Variants in RBFOX1 observed in about 807,000 individuals in gnomAD.
The protein encoded by RBFOX1 is RNA binding protein fox-1 homolog 1.
A neutral mutation model predicts 57.7 loss-of-function variants in RBFOX1; 8 were observed. The ratio of observed to expected loss-of-function variants is 0.14; its 90% CI spans 0.08 to 0.25. The LOEUF is 0.25. Among genes scored for constraint, RBFOX1 ranks in the 10% least tolerant of loss-of-function variants. The pLI is 1.00. For missense variants in RBFOX1, 611 were observed against 548.5 expected, an observed-to-expected ratio of 1.11 and a Z score of -1.14; for synonymous variants, 326 against 222.4, an observed-to-expected ratio of 1.47 and a Z score of -4.15.
At chr16:6,879,397 T>C (rs1035243788) in intron 3 of RBFOX1, among the ~76,000 whole-genome samples, 3 of 152,332 alleles carry the variant, frequency 2.0e-5, no homozygotes, top group African/African-American at 7.2e-5. Flanking sequence ...ATTTATTGGA[T>C]GCTCTGGTAT....
chr16:7,334,578 A>G (rs759364517), intron 4 of RBFOX1, among the ~76,000 whole-genome samples: 7 of 152,142 alleles, frequency 4.6e-5, no homozygotes, highest in Non-Finnish European at 8.8e-5. Context: ...CCTGTTATAG[A>G]TTAAGTGCCG....
At chr16:5,765,016 G>C (rs2053727508) in intron 3 of RBFOX1, among the ~76,000 whole-genome samples, 1 of 152,128 alleles carries the variant, frequency 6.6e-6, no homozygotes, top group Admixed American at 6.6e-5. Flanking sequence ...CAGGGTACCT[G>C]ATACTGTGTT....
At chr16:7,179,031 G>A (rs1485158292) in intron 4 of RBFOX1, among the ~76,000 whole-genome samples, 2 of 152,188 alleles carry the variant, frequency 1.3e-5, no homozygotes, top group Non-Finnish European at 1.5e-5. Flanking sequence ...AGGAAGAATA[G>A]TTCTGCTTTT....
At chr16:6,574,122 A>C (rs980822586) in intron 2 of RBFOX1, among the ~76,000 whole-genome samples, 1 of 152,008 alleles carries the variant, frequency 6.6e-6, no homozygotes, top group Non-Finnish European at 1.5e-5. Flanking sequence ...TGAGCTGCAC[A>C]CTCAAGGAGA....
intron 3 of RBFOX1, among the ~76,000 whole-genome samples, chr16:6,970,526 C>T (rs911617777): frequency 1.3e-5 from 2 of 152,108 alleles, no homozygotes; most frequent in African/African-American, 4.8e-5. Flanking sequence ...TCAGTAGATT[C>T]AGTGTCCGGT....
intron 1 of RBFOX1, among the ~76,000 whole-genome samples, chr16:5,353,861 A>C (rs962251198): frequency 2.0e-5 from 3 of 152,062 alleles, no homozygotes; most frequent in Admixed American, 6.5e-5. Flanking sequence ...AGAGATCAAC[A>C]AGACATGGCC....
chr16:5,360,172 G>A (rs372646891), intron 1 of RBFOX1, among the ~76,000 whole-genome samples: 10 of 152,184 alleles, frequency 6.6e-5, no homozygotes, highest in South Asian at 2.1e-4. Context: ...ATCTGCAGCC[G>A]CCTACTCCAT....
At chr16:6,625,706 A>G (rs2098296011) in intron 2 of RBFOX1, among the ~76,000 whole-genome samples, 1 of 149,436 alleles carries the variant, frequency 6.7e-6, no homozygotes, top group Non-Finnish European at 1.5e-5. Context: ...CAATTAATGT[A>G]ATCTTGTTTC....
At chr16:6,548,850 T>C (rs995454242) in intron 2 of RBFOX1, among the ~76,000 whole-genome samples, 5 of 151,806 alleles carry the variant, frequency 3.3e-5, no homozygotes, top group African/African-American at 1.2e-4. Flanking sequence ...CCAAGGTGTG[T>C]GGATCACTTG....
At chr16:7,027,200 G>T (rs1240355700) in intron 3 of RBFOX1, among the ~76,000 whole-genome samples, 1 of 152,074 alleles carries the variant, frequency 6.6e-6, no homozygotes, top group African/African-American at 2.4e-5. Context: ...GTATCTTATT[G>T]AACTCTCCAG....
intron 4 of RBFOX1, among the ~76,000 whole-genome samples, chr16:7,269,312 G>C (rs2095259430): frequency 6.6e-6 from 1 of 152,050 alleles, no homozygotes. Context: ...GTTTAGAAAA[G>C]CAACATATGA....
intron 4 of RBFOX1, among the ~76,000 whole-genome samples, chr16:7,499,127 G>A (rs911326053): frequency 6.6e-6 from 1 of 152,214 alleles, no homozygotes; most frequent in Non-Finnish European, 1.5e-5. Flanking sequence ...CTGGCTCACA[G>A]TTCTGGAGGC....
intron 3 of RBFOX1, among the ~76,000 whole-genome samples, chr16:7,017,434 C>A (rs565305381): frequency 6.6e-6 from 1 of 152,138 alleles, no homozygotes; most frequent in Non-Finnish European, 1.5e-5. Flanking sequence ...AATCTTGGCC[C>A]CAAACCTTAG....
intron 3 of RBFOX1, among the ~76,000 whole-genome samples, chr16:5,805,252 G>C (rs1345086605): frequency 6.6e-6 from 1 of 152,012 alleles, no homozygotes; most frequent in Non-Finnish European, 1.5e-5. Context: ...AGGTTAGAGA[G>C]GGTCAGACAG....
chr16:5,753,790 C>G (rs1277230786), intron 3 of RBFOX1, among the ~76,000 whole-genome samples: 1 of 151,818 alleles, frequency 6.6e-6, no homozygotes, highest in South Asian at 2.1e-4. Context: ...TTAGCACATT[C>G]CATCTCATTT....
intron 4 of RBFOX1, among the ~76,000 whole-genome samples, chr16:6,011,274 C>T (rs1022865349): frequency 2.0e-5 from 3 of 152,138 alleles, no homozygotes; most frequent in Non-Finnish European, 2.9e-5. Flanking sequence ...TGATAAGTCT[C>T]ATTTTTAACC....
chr16:6,025,798 AT>A (rs1183110407), intron 1 of RBFOX1, among the ~76,000 whole-genome samples: 1 of 152,136 alleles, frequency 6.6e-6, no homozygotes, highest in African/African-American at 2.4e-5. Flanking sequence ...TTGAGGTGCA[AT>A]TTGTTGGAGG....
At chr16:6,606,072 G>A (rs77059209) in intron 2 of RBFOX1, among the ~76,000 whole-genome samples, 15,363 of 151,948 alleles carry the variant, frequency 0.1, 1,002 homozygotes, top group Middle Eastern at 0.19. Context: ...TCACGCCCCT[G>A]CACTCTAGCC....
chr16:5,789,688 C>A (rs573838716), intron 3 of RBFOX1, among the ~76,000 whole-genome samples: 3 of 152,174 alleles, frequency 2.0e-5, no homozygotes, highest in Non-Finnish European at 4.4e-5. Flanking sequence ...TAGTATCGCA[C>A]TTCTCTTGAT....
Sources: gnomAD v4.1 joint callset for allele counts (sites outside exome capture counted in the v4.1 genomes callset) on GRCh38, gnomAD v4.1.1 for gene constraint, MANE v1.5 for transcripts, NCBI Gene and HGNC (gene_info 2026-07-23, HGNC 2026-07-21) for gene names.